The following NRG1 variants were observed in gnomAD, a reference collection of about 807,000 sequenced individuals.
The protein encoded by NRG1 is neuregulin 1.
In NRG1, 18 loss-of-function variants were observed where a neutral mutation model predicts 63.8. The observed-to-expected ratio is 0.28, with a 90% CI of 0.19 to 0.42. The LOEUF is 0.42. Among genes scored for constraint, NRG1 ranks in the 10% least tolerant of loss-of-function variants. The pLI is 1.00. For missense variants in NRG1, 762 were observed against 814.7 expected (o/e 0.94, Z 0.79); for synonymous variants, 302 against 301.3 (o/e 1.00, Z -0.02).
intron 1 of NRG1, among the ~76,000 whole-genome samples, chr8:32,090,486 A>G (rs915978737): frequency 6.6e-6 from 1 of 151,960 alleles, no homozygotes; most frequent in Non-Finnish European, 1.5e-5. Flanking sequence ...AGACCCAGCT[A>G]ATTTTTGTAT....
chr8:31,977,831 A>C (rs1365106160), intron 1 of NRG1, among the ~76,000 whole-genome samples: 1 of 152,014 alleles, frequency 6.6e-6, no homozygotes, highest in African/African-American at 2.4e-5. Context: ...TTCTTCATTT[A>C]TTCTTTATTC....
intron 1 of NRG1, among the ~76,000 whole-genome samples, chr8:32,404,585 CTTTT>C (rs35437908): frequency 2.6e-5 from 3 of 116,938 alleles, no homozygotes; most frequent in African/African-American, 3.2e-5. Flanking sequence ...TCTTCTTCAT[CTTTT>C]TTTTTTTTTT....
At chr8:32,647,112 A>T in intron 5 of NRG1, 1 of 985,312 alleles carries the variant, frequency 1.0e-6, no homozygotes. Flanking sequence ...GAGCCCTCTG[A>T]TCCTGTTTGC....
At chr8:31,852,667 G>T (rs1399659410) in intron 1 of NRG1, among the ~76,000 whole-genome samples, 2 of 151,930 alleles carry the variant, frequency 1.3e-5, no homozygotes, top group Non-Finnish European at 2.9e-5. Flanking sequence ...TGGTGTTTTA[G>T]ACATGAAGTC....
rs1818539988 is a variant in NRG1, at chr8:32,434,444, C to CA, written c.38-161383dup. ...TTAGGATTCAGAAAAGTAATATGCA[C>CA]ATGCTCCTATACTTTACATGTGACA... is the stretch of plus-strand genomic sequence containing the variant. On this transcript the variant is annotated intron_variant, in intron 1 of 10. Coordinates refer to the NRG1 transcript ENST00000519301. Among the ~76,000 whole-genome samples, 5 of 152,218 alleles carry CA rather than the reference C, an allele frequency of 3.3e-5. No individual in the cohort carries two copies. The South Asian group carries it at 1.0e-3, about 32-fold the overall frequency.
chr8:31,653,261 G>C (rs1805082841), intron 1 of NRG1, among the ~76,000 whole-genome samples: 1 of 151,864 alleles, frequency 6.6e-6, no homozygotes. Context: ...CTGACTTGTG[G>C]CAAGTACTAT....
chr8:31,790,004 G>A (rs1820546726), intron 1 of NRG1, among the ~76,000 whole-genome samples: 1 of 152,124 alleles, frequency 6.6e-6, no homozygotes, highest in Non-Finnish European at 1.5e-5. Context: ...TAATATGCGG[G>A]TAAAAGGATA....
rs576028319 is a variant in NRG1, at chr8:31,870,733, G to GATTT, written c.37+231315_37+231318dup. ...AAACTTGAGAGGGTTTTATTTTTTT[G>GATTT]ATTTATTTATTTATTTTTTTTAGTG... On this transcript the variant is annotated intron_variant, in intron 1 of 10. Coordinates refer to the NRG1 transcript ENST00000519301. 4.3e-3 allele frequency among the ~76,000 whole-genome samples: 660 copies of GATTT among 151,986 alleles called. 2 individuals are homozygous for GATTT. Among genetic ancestry groups the GATTT allele is most frequent in the Admixed American group, 9.2e-3 (141 of 15,274 alleles).
intron 1 of NRG1, among the ~76,000 whole-genome samples, chr8:32,558,624 C>T (rs1364572389): frequency 6.6e-6 from 1 of 152,106 alleles, no homozygotes; most frequent in African/African-American, 2.4e-5. Context: ...ATGAAAGAGG[C>T]AACCAAAGAA....
chr8:31,852,824 A>T (rs1274209849), intron 1 of NRG1, among the ~76,000 whole-genome samples: 1 of 152,178 alleles, frequency 6.6e-6, no homozygotes, highest in African/African-American at 2.4e-5. Context: ...AGCTTTCTAC[A>T]TATGGCTAGC....
chr8:32,174,420 A>G (rs1840449471), intron 1 of NRG1, among the ~76,000 whole-genome samples: 1 of 152,162 alleles, frequency 6.6e-6, no homozygotes, highest in Non-Finnish European at 1.5e-5. Flanking sequence ...CACAATTAAA[A>G]GAACTAGAAA....
chr8:32,055,517 C>T (rs1290440385), intron 1 of NRG1, among the ~76,000 whole-genome samples: 1 of 152,036 alleles, frequency 6.6e-6, no homozygotes, highest in Non-Finnish European at 1.5e-5. Flanking sequence ...TTAGAGATTA[C>T]AGTAAGGCAA....
chr8:31,770,027 A>G (rs1818457886), intron 1 of NRG1, among the ~76,000 whole-genome samples: 1 of 152,148 alleles, frequency 6.6e-6, no homozygotes, highest in African/African-American at 2.4e-5. Context: ...ATCTGTGGAA[A>G]GGAGAGAAAG....
chr8:32,514,148 A>G (rs1588065965), intron 1 of NRG1, among the ~76,000 whole-genome samples: 1 of 152,164 alleles, frequency 6.6e-6, no homozygotes, highest in Non-Finnish European at 1.5e-5. Flanking sequence ...TTGTTTGCCA[A>G]GAACAAAGAA....
chr8:32,363,804 A>G (rs903357580), intron 1 of NRG1, among the ~76,000 whole-genome samples: 5 of 152,080 alleles, frequency 3.3e-5, no homozygotes. Context: ...ATAAGAAATA[A>G]CCTAGATCAG....
chr8:31,968,682 T>C (rs1233464306), intron 1 of NRG1, among the ~76,000 whole-genome samples: 1 of 152,142 alleles, frequency 6.6e-6, no homozygotes, highest in Admixed American at 6.5e-5. Flanking sequence ...GTAAGTGATT[T>C]CCTTAGCTTC....
At chr8:32,116,137 A>AT (rs201616308) in intron 1 of NRG1, among the ~76,000 whole-genome samples, 2,901 of 152,154 alleles carry the variant, frequency 0.019, 51 homozygotes, top group South Asian at 0.088. Context: ...CAATGGGGAT[A>AT]TTTTTTTATT....
intron 1 of NRG1, among the ~76,000 whole-genome samples, chr8:32,455,700 T>C (rs1821511489): frequency 6.6e-6 from 1 of 152,224 alleles, no homozygotes; most frequent in Non-Finnish European, 1.5e-5. Flanking sequence ...ATGAGACTGA[T>C]AATCAGAGCT....
intron 1 of NRG1, among the ~76,000 whole-genome samples, chr8:32,491,293 GTC>G (rs1334581801): frequency 3.3e-5 from 5 of 152,130 alleles, no homozygotes; most frequent in Admixed American, 2.0e-4. Context: ...AAGAAAATGA[GTC>G]TCATTATATT....
Sources: allele counts gnomAD v4.1 joint callset (sites outside exome capture counted in the v4.1 genomes callset), GRCh38; gene constraint gnomAD v4.1.1; transcripts MANE v1.5; gene names NCBI Gene and HGNC (gene_info 2026-07-23, HGNC 2026-07-21).